PALLD: variants seen among roughly 807,000 people sequenced by gnomAD.
The protein encoded by PALLD is palladin.
PALLD carries 61 observed loss-of-function variants against 123.5 expected under a neutral mutation model. That is an observed-to-expected ratio of 0.49 (90% CI 0.40 to 0.61). PALLD has a LOEUF of 0.61. Among genes scored for constraint, PALLD ranks in the 20% least tolerant of loss-of-function variants. The pLI is 0.00. For missense variants in PALLD, 1,273 were observed against 1,377.0 expected (o/e 0.92, Z 1.20); for synonymous variants, 465 against 496.4 (o/e 0.94, Z 0.84).
intron 21 of PALLD, among the ~76,000 whole-genome samples, chr4:168,925,764 G>A (rs1166383599): frequency 6.6e-6 from 1 of 151,960 alleles, no homozygotes; most frequent in African/African-American, 2.4e-5. Context: ...ACTATGTGAG[G>A]GTCATCAAGA....
chr4:168,520,297 G>C (rs1763414537), intron 2 of PALLD, among the ~76,000 whole-genome samples: 1 of 138,946 alleles, frequency 7.2e-6, no homozygotes, highest in South Asian at 2.3e-4. Context: ...CTGCACTCCA[G>C]GCTGGGTGAC....
At chr4:168,714,921 A>G (rs1785198801) in intron 10 of PALLD, among the ~76,000 whole-genome samples, 1 of 150,428 alleles carries the variant, frequency 6.6e-6, no homozygotes, top group African/African-American at 2.4e-5. Context: ...GCGGGAAAAG[A>G]AAAAAAAAAT....
At chr4:168,907,747 A>G (rs1278277184) in intron 15 of PALLD, among the ~76,000 whole-genome samples, 1 of 152,172 alleles carries the variant, frequency 6.6e-6, no homozygotes, top group African/African-American at 2.4e-5. Context: ...AGCAATGAGA[A>G]GTGGACCAAG....
chr4:168,882,348 A>G (rs28599752), intron 10 of PALLD, among the ~76,000 whole-genome samples: 90,004 of 152,070 alleles, frequency 0.59, 28,076 homozygotes, highest in East Asian at 0.89. Context: ...GGTTCATCTC[A>G]AATAACTCTA....
At chr4:168,922,332 G>A (rs1761748856) in intron 18 of PALLD, among the ~76,000 whole-genome samples, 1 of 152,120 alleles carries the variant, frequency 6.6e-6, no homozygotes, top group African/African-American at 2.4e-5. Context: ...TTAAGAGTTA[G>A]GTGTTGAGTA....
chr4:168,754,250 C>A (rs1456844569), intron 10 of PALLD, among the ~76,000 whole-genome samples: 1 of 152,058 alleles, frequency 6.6e-6, no homozygotes, highest in African/African-American at 2.4e-5. Flanking sequence ...CTTTTTTTGG[C>A]AAAATATCAG....
At chr4:168,586,876 TCGAA>T (rs1770874693) in intron 2 of PALLD, among the ~76,000 whole-genome samples, 1 of 151,664 alleles carries the variant, frequency 6.6e-6, no homozygotes, top group African/African-American at 2.4e-5. Flanking sequence ...TAAAAAAAAA[TCGAA>T]CGTTCCCTCA....
intron 10 of PALLD, among the ~76,000 whole-genome samples, chr4:168,883,370 C>T (rs779526743): frequency 1.3e-5 from 2 of 152,120 alleles, no homozygotes; most frequent in South Asian, 2.1e-4. Context: ...TAAATGCCAA[C>T]ATGTTAATGA....
intron 10 of PALLD, among the ~76,000 whole-genome samples, chr4:168,748,598 G>A (rs973327712): frequency 6.6e-6 from 1 of 152,146 alleles, no homozygotes; most frequent in Non-Finnish European, 1.5e-5. Flanking sequence ...AGGTTAGCTG[G>A]GTCCTCTGCT....
At chr4:168,878,775 C>G (rs6847206) in intron 10 of PALLD, among the ~76,000 whole-genome samples, 76,458 of 151,374 alleles carry the variant, frequency 0.51, 22,592 homozygotes, top group South Asian at 0.66. Context: ...TAAGAGGTAG[C>G]ATTGCCCCAG....
chr4:168,669,130 A>G (rs1779932289), intron 3 of PALLD, among the ~76,000 whole-genome samples: 1 of 152,220 alleles, frequency 6.6e-6, no homozygotes, highest in South Asian at 2.1e-4. Flanking sequence ...TGGTTAAAAT[A>G]TAGAAAGAAT....
At chr4:168,688,005 G>A (rs551953525) in intron 6 of PALLD, among the ~76,000 whole-genome samples, 15 of 152,246 alleles carry the variant, frequency 9.9e-5, no homozygotes, top group South Asian at 6.2e-4. Context: ...TCTGGACCAT[G>A]GAACATCTCT....
intron 10 of PALLD, among the ~76,000 whole-genome samples, chr4:168,749,374 A>G (rs1280762500): frequency 2.6e-5 from 4 of 151,438 alleles, no homozygotes; most frequent in Non-Finnish European, 5.9e-5. Flanking sequence ...TACATAATGT[A>G]ACTAATTGAG....
In PALLD at chr4:168,878,041, C is replaced by G. The variant is rs1403546683; in HGVS notation, c.1965-12881C>G. The G allele has an allele frequency of 2.7e-6, 4 of 1,486,970 alleles. No individual in the cohort carries two copies. 92.1% of individuals were successfully genotyped at this position (1,486,970 alleles called of 1,614,324 possible). On this transcript the variant is annotated intron_variant, in intron 10 of 21. Transcript: ENST00000505667. ...CCTCCAGCCCCAGCTCGTCCAGCCT[C>G]CCGTCGCCCATGTCCCCGACGCCGA...
intron 10 of PALLD, chr4:168,878,503 C>A: frequency 2.6e-6 from 2 of 767,430 alleles, no homozygotes; most frequent in Non-Finnish European, 1.9e-6. Flanking sequence ...CCAGAGCGCC[C>A]CAGTAACATT....
Position 168,690,724 on chromosome 4 carries a change from A to C in PALLD, c.1457A>C (p.Asp486Ala). Reference protein sequence around the residue: ...RQGSEIQDSPDFRILQKKPRS... With the variant: ...RQGSEIQDSPAFRILQKKPRS... Reference sequence around the variant, plus strand: ...GGGAGTGAAATCCAAGACTCTCCAGATTTCCGAATTCTACAGAAAAGTAAG... The same window carrying C: ...GGGAGTGAAATCCAAGACTCTCCAGCTTTCCGAATTCTACAGAAAAGTAAG... Residue 486 changes from aspartate to alanine, a missense_variant, in exon 7 of 22, where the codon GAT becomes GCT. Asp to Ala is a moderately radical substitution (Grantham distance 126). Coordinates refer to ENST00000505667, the MANE Select transcript of PALLD (RefSeq NM_001166108.2). The C allele has an allele frequency of 6.2e-7, 1 of 1,614,174 alleles. No homozygotes were observed. Among genetic ancestry groups the C allele is most frequent in the East Asian group, 2.2e-5 (1 of 44,884 alleles).
At chr4:168,746,184 A>G (rs1730267135) in intron 10 of PALLD, among the ~76,000 whole-genome samples, 1 of 151,866 alleles carries the variant, frequency 6.6e-6, no homozygotes, top group Non-Finnish European at 1.5e-5. Context: ...TAAAATATAG[A>G]TATGTGAATT....
chr4:168,845,422 T>C (rs145765649), intron 10 of PALLD, among the ~76,000 whole-genome samples: 113 of 152,036 alleles, frequency 7.4e-4, no homozygotes, highest in African/African-American at 2.5e-3. Flanking sequence ...TCAAAAATAT[T>C]TGGAAAAACA....
chr4:168,910,582 T>G (rs1758724899), intron 15 of PALLD, among the ~76,000 whole-genome samples: 1 of 152,212 alleles, frequency 6.6e-6, no homozygotes, highest in African/African-American at 2.4e-5. Context: ...ATTTAACATT[T>G]TGAGCATTGG....
Sources: allele counts gnomAD v4.1 joint callset (sites outside exome capture counted in the v4.1 genomes callset), GRCh38; gene constraint gnomAD v4.1.1; transcripts MANE v1.5; gene names NCBI Gene and HGNC (gene_info 2026-07-23, HGNC 2026-07-21).